HKDC1: variants seen among roughly 807,000 people sequenced by gnomAD.
HKDC1 encodes the protein hexokinase HKDC1.
In HKDC1, 66 loss-of-function variants were observed where a neutral mutation model predicts 96.6. That is an observed-to-expected ratio of 0.68 (90% CI 0.56 to 0.84). The LOEUF (loss-of-function observed/expected upper bound fraction) is 0.84. Among genes scored for constraint, HKDC1 ranks in the 40% least tolerant of loss-of-function variants. The probability of loss-of-function intolerance (pLI) is 0.00; values close to 1 mark genes in which losing one functional copy is unlikely to be tolerated. For synonymous variants in HKDC1, 466 were observed against 473.1 expected (o/e 0.98, Z 0.20); for missense variants, 1,211 against 1,208.1 (o/e 1.00, Z -0.04).
Position 69,257,147 on chromosome 10 carries a change from G to A in HKDC1, c.1932+16G>A, listed in dbSNP as rs995198173. 2 of 1,605,838 alleles carry A rather than the reference G, an allele frequency of 1.2e-6. No individual in the cohort carries two copies. Among genetic ancestry groups the A allele is most frequent in the Non-Finnish European group, 8.5e-7 (1 of 1,172,448 alleles). On this transcript the variant is annotated intron_variant, in intron 13 of 17. Coordinates refer to ENST00000354624, the MANE Select transcript of HKDC1 (RefSeq NM_025130.4). ...GAGGAGAAACGTAGGATGTGGTGTTGAGGCTCATGCCTGCTCTTGCTGCCT... is the reference window on the plus strand; with the variant it reads ...GAGGAGAAACGTAGGATGTGGTGTTAAGGCTCATGCCTGCTCTTGCTGCCT...
chr10:69,241,972 G>A (rs1436390457), intron 6 of HKDC1, among the ~76,000 whole-genome samples: 9 of 152,164 alleles, frequency 5.9e-5, no homozygotes, highest in Non-Finnish European at 1.2e-4. Context: ...CCAGAGCGAG[G>A]GGGTCAGCTG....
At chr10:69,222,362 A>G (rs1843080151) in intron 1 of HKDC1, among the ~76,000 whole-genome samples, 1 of 133,896 alleles carries the variant, frequency 7.5e-6, no homozygotes, top group Non-Finnish European at 1.7e-5. Flanking sequence ...TTATAAAGCA[A>G]TCACTTGTTG....
In HKDC1 at chr10:69,266,647, G is replaced by A. The variant is rs1217537485; in HGVS notation, c.2644G>A (p.Ala882Thr). 2 of 1,613,986 alleles carry A rather than the reference G, an allele frequency of 1.2e-6. No homozygotes were observed. Among genetic ancestry groups the A allele is most frequent in the Admixed American group, 3.3e-5 (2 of 59,994 alleles). Residue 882 changes from alanine (A) to threonine (T), a missense_variant, in exon 18 of 18, where the codon GCC becomes ACC. Ala to Thr is a moderately conservative substitution (Grantham distance 58). Coordinates refer to ENST00000354624, the MANE Select transcript of HKDC1 (RefSeq NM_025130.4). ...ATTGCAGGAAACTGTGAAGGAACTA[G>A]CCCCTCGATGTGATGTGACATTCAT... is the stretch of plus-strand genomic sequence containing the variant. ...RILQETVKEL[A>T]PRCDVTFMLS... is the part of the protein sequence containing the mutation.
intron 12 of HKDC1, 145 bp downstream of exon 12, chr10:69,250,797 A>G: frequency 1.1e-6 from 1 of 872,502 alleles, no homozygotes; most frequent in Non-Finnish European, 1.7e-6. Flanking sequence ...GAGAATTTCA[A>G]CAATTTAATT....
intron 12 of HKDC1, among the ~76,000 whole-genome samples, chr10:69,252,086 G>A (rs1040664323): frequency 3.9e-5 from 6 of 152,240 alleles, no homozygotes; most frequent in African/African-American, 7.2e-5. Context: ...TCTAATATTA[G>A]TATCTCAGAA....
chr10:69,264,853 C>T (rs1319925146), intron 16 of HKDC1, among the ~76,000 whole-genome samples: 1 of 152,204 alleles, frequency 6.6e-6, no homozygotes, highest in Non-Finnish European at 1.5e-5. Flanking sequence ...GGAGTCAGGG[C>T]TCCGTTTAAG....
chr10:69,256,212 C>A (rs1355797768), intron 12 of HKDC1, among the ~76,000 whole-genome samples: 1 of 152,198 alleles, frequency 6.6e-6, no homozygotes, highest in Non-Finnish European at 1.5e-5. Flanking sequence ...GTGTGGAAAA[C>A]ACCTTTCTCT....
intron 6 of HKDC1, 46 bp downstream of exon 6, chr10:69,240,797 GT>G (rs775564696): frequency 7.0e-7 from 1 of 1,422,300 alleles, no homozygotes; most frequent in Non-Finnish European, 9.9e-7. Flanking sequence ...AGAAGGGACT[GT>G]TTGGGAGTTT....
At chr10:69,229,180 G>A (rs907622327) in intron 2 of HKDC1, among the ~76,000 whole-genome samples, 1 of 152,204 alleles carries the variant, frequency 6.6e-6, no homozygotes, top group African/African-American at 2.4e-5. Context: ...AAGAGCACTG[G>A]GGCTCTCGCA....
At position 69,261,245 on chromosome 10, in the gene HKDC1, C is replaced by A. The variant is rs772107698; in HGVS notation, c.2323C>A (p.Leu775Ile). ...CTTCCGAGGGCAGATTTCAGAGCGT[C>A]TCCGGACCAGGGGCATCTTCGAAAC... Reference protein sequence around the residue: ...LLFRGQISERLRTRGIFETKF... With the variant: ...LLFRGQISERIRTRGIFETKF... Residue 775 changes from leucine to isoleucine, a missense_variant, in exon 16 of 18, where the codon CTC becomes ATC. By Grantham distance (5) the Leu-to-Ile change is conservative. Transcript: ENST00000354624. The A allele has an allele frequency of 5.6e-6, 9 of 1,614,194 alleles. No individual in the cohort carries two copies. The highest frequency in any genetic ancestry group is 7.6e-6 in the Non-Finnish European group (9 of 1,180,022).
At chr10:69,260,894 A>T (rs890319321) in intron 15 of HKDC1, among the ~76,000 whole-genome samples, 6 of 152,162 alleles carry the variant, frequency 3.9e-5, no homozygotes, top group African/African-American at 1.4e-4. Context: ...AAGACCAGGG[A>T]CTAAATTTTG....
At chr10:69,264,197 CTGTG>C (rs34401681) in intron 16 of HKDC1, among the ~76,000 whole-genome samples, 1,873 of 139,488 alleles carry the variant, frequency 0.013, 20 homozygotes, top group African/African-American at 0.03. Flanking sequence ...AGATTTCCTT[CTGTG>C]TGTGTGTGTG....
chr10:69,238,434 T>C (rs1843398745), intron 4 of HKDC1, among the ~76,000 whole-genome samples: 1 of 28,492 alleles, frequency 3.5e-5, no homozygotes, highest in African/African-American at 2.1e-4. Flanking sequence ...CGGACTGCAG[T>C]GGCGCAATCT....
chr10:69,250,161 C>A (rs762445988), intron 10 of HKDC1, 129 bp from the exon 11 acceptor site: 3 of 1,050,174 alleles, frequency 2.9e-6, no homozygotes, highest in Admixed American at 2.3e-5. Flanking sequence ...GTGGCCCCCA[C>A]GACCCTCTGG....
chr10:69,245,570 C>CAATAATAAT (rs10646729), intron 7 of HKDC1, among the ~76,000 whole-genome samples: 3,315 of 139,324 alleles, frequency 0.024, 64 homozygotes, highest in Non-Finnish European at 0.036. Context: ...ATCCTGTCTC[C>CAATAATAAT]AATAATAATA....
intron 12 of HKDC1, 69 bp downstream of exon 12, chr10:69,250,721 G>T (rs1843628855): frequency 1.1e-5 from 17 of 1,569,598 alleles, no homozygotes; most frequent in Admixed American, 5.1e-5. Context: ...CCATCTCCAG[G>T]TAACTCCCAG....
chr10:69,238,851 C>A (rs531061090), intron 4 of HKDC1, among the ~76,000 whole-genome samples, 191 bp from the exon 5 acceptor site: 1 of 152,290 alleles, frequency 6.6e-6, no homozygotes, highest in Non-Finnish European at 1.5e-5. Flanking sequence ...TATTTCAAAC[C>A]ACTCAGATGA....
Position 69,232,923 on chromosome 10 carries a change from G to T in HKDC1, c.375+11G>T. The T allele has an allele frequency of 6.2e-7, 1 of 1,612,236 alleles. No individual in the cohort carries two copies. Among genetic ancestry groups the T allele is most frequent in the Non-Finnish European group, 8.5e-7 (1 of 1,180,020 alleles). On this transcript the variant is annotated intron_variant, in intron 3 of 17. Coordinates refer to ENST00000354624, the MANE Select transcript of HKDC1 (RefSeq NM_025130.4). ...GGGAACGGCACAGAGGTACCTGGCA[G>T]GTGGCTCCTGTGACCGCAGGGAAGG...
chr10:69,247,626 A>G, intron 9 of HKDC1, 33 bp downstream of exon 9: 1 of 1,558,680 alleles, frequency 6.4e-7, no homozygotes. Flanking sequence ...GCCCCCACAA[A>G]TGAGTCTCCC....
Sources: gnomAD v4.1 joint callset for allele counts (sites outside exome capture counted in the v4.1 genomes callset) on GRCh38, gnomAD v4.1.1 for gene constraint, MANE v1.5 for transcripts, NCBI Gene and HGNC (gene_info 2026-07-23, HGNC 2026-07-21) for gene names.